Variants in RIPOR2 observed in about 807,000 individuals in gnomAD.
RIPOR2 encodes RHO family interacting cell polarization regulator 2, also known as rho family-interacting cell polarization regulator 2.
Under a neutral mutation model 114.5 loss-of-function variants are expected in RIPOR2, and 39 were observed. The ratio of observed to expected loss-of-function variants is 0.34; its 90% confidence interval spans 0.26 to 0.44. RIPOR2 has a LOEUF of 0.44. Ranked by LOEUF, RIPOR2 falls within the 20% of genes least tolerant of loss-of-function variation. The pLI, the probability that RIPOR2 is intolerant of heterozygous loss-of-function variation, is 1.00. For synonymous variants in RIPOR2, 445 were observed against 484.4 expected, an observed-to-expected ratio of 0.92 and a Z score of 1.07; for missense variants, 1,007 against 1,255.1, an observed-to-expected ratio of 0.80 and a Z score of 2.99.
chr6:24,925,171 C>T (rs1336115902), intron 1 of RIPOR2, among the ~76,000 whole-genome samples: 3 of 152,218 alleles, frequency 2.0e-5, no homozygotes, highest in African/African-American at 7.2e-5. Context: ...TCTGCCTAGA[C>T]CAAGAGCAGT....
intron 1 of RIPOR2, among the ~76,000 whole-genome samples, chr6:24,903,583 G>GT (rs55805821): frequency 0.27 from 41,081 of 150,736 alleles, 6,709 homozygotes; most frequent in East Asian, 0.39. Context: ...CTTCTTTTTT[G>GT]TTTTTTTTTA....
chr6:24,827,340 T>C (rs796379968), intron 18 of RIPOR2, among the ~76,000 whole-genome samples: 3 of 152,286 alleles, frequency 2.0e-5, no homozygotes, highest in African/African-American at 7.2e-5. Context: ...GTGCTGACTG[T>C]GTTGTTGCAG....
chr6:24,988,039 C>T (rs1281375100), intron 1 of RIPOR2, among the ~76,000 whole-genome samples: 1 of 152,176 alleles, frequency 6.6e-6, no homozygotes, highest in East Asian at 1.9e-4. Context: ...TACTCAAAGA[C>T]TGAATTGGGA....
chr6:24,964,147 CTGTGTGTGTG>C (rs70974955), intron 1 of RIPOR2, among the ~76,000 whole-genome samples: 7 of 146,600 alleles, frequency 4.8e-5, no homozygotes, highest in African/African-American at 7.7e-5. Context: ...GACATTGGCT[CTGTGTGTGTG>C]TGTGTGTGTG....
chr6:25,041,148 C>T (rs191068784), intron 1 of RIPOR2, among the ~76,000 whole-genome samples: 2 of 152,164 alleles, frequency 1.3e-5, no homozygotes, highest in Non-Finnish European at 2.9e-5. Context: ...TGAAAACAGA[C>T]CCCTTTCACT....
Position 24,843,012 on chromosome 6 carries a change from AC to A in RIPOR2, c.1706del (p.Gly569ValfsTer11). The A allele has an allele frequency of 3.8e-6, 6 of 1,598,926 alleles. No individual in the cohort carries two copies. The highest frequency in any genetic ancestry group is 5.1e-6 in the Non-Finnish European group (6 of 1,171,212). ...TDRLLSEGSV[G>X]GESEGCRSFL... ...AGGATCTGCAGCCTTCAGATTCTCC[AC>A]CAACAGAACCCTCAGAGAGCAGCCT... On this transcript the variant is annotated frameshift_variant, in exon 13 of 22. Transcript: ENST00000643898. LOFTEE classifies it high-confidence loss of function.
chr6:24,956,009 CA>C (rs10587846), intron 1 of RIPOR2, among the ~76,000 whole-genome samples: 4,234 of 130,306 alleles, frequency 0.032, 128 homozygotes, highest in African/African-American at 0.085. Context: ...GACTCTGTCT[CA>C]AAAAAAAAAA....
intron 1 of RIPOR2, chr6:24,948,280 A>G (rs487700): frequency 0.78 from 118,151 of 152,130 alleles, 46,236 homozygotes; most frequent in African/African-American, 0.85. Flanking sequence ...GTTGATAACC[A>G]AACAATTCTC....
At chr6:25,030,654 CT>C (rs913573805) in intron 1 of RIPOR2, among the ~76,000 whole-genome samples, 1 of 151,890 alleles carries the variant, frequency 6.6e-6, no homozygotes, top group Non-Finnish European at 1.5e-5. Flanking sequence ...GATATTCTGG[CT>C]TTTTTTTAAA....
Position 25,024,056 on chromosome 6 carries a change from T to C in RIPOR2, c.76+17795A>G. 4 of 762,652 alleles carry C rather than the reference T, an allele frequency of 5.2e-6. No individual in the cohort carries two copies. In the Admixed American group the frequency reaches 6.9e-5, roughly 13 times the overall value. 47.2% of individuals were successfully genotyped at this position (762,652 alleles called of 1,614,324 possible). On this transcript the variant is annotated intron_variant, in intron 1 of 13. Transcript: ENST00000510784. The stretch of plus-strand genomic sequence containing the variant: ...AACCGGTTGTAGAACTCGGGCATCC[T>C]CCAGGGAGCAGTGCCCTTTATCTGG...
At chr6:24,850,761 C>A (rs747295688) in intron 9 of RIPOR2, 39 bp from the exon 10 acceptor site, 1 of 1,610,754 alleles carries the variant, frequency 6.2e-7, no homozygotes, top group East Asian at 2.2e-5. Context: ...TGTCTTGCCA[C>A]CCCCTCTTCT....
In RIPOR2 at chr6:24,865,095, A is replaced by G. The variant is rs4711065; in HGVS notation, c.651+206T>C. ...CTTGAATAACTAGGACTACAGGCAC[A>G]TGCCGCCACTCCCAGCTTATTCATT... On this transcript the variant is annotated intron_variant, in intron 7 of 21. Transcript: ENST00000643898. Among the ~76,000 whole-genome samples, 123,791 of 151,696 alleles carry G rather than the reference A, an allele frequency of 0.82. 50,568 individuals carry two copies. The highest frequency in any genetic ancestry group is 0.84 in the Middle Eastern group (248 of 294).
chr6:24,862,651 T>C (rs556284860), intron 7 of RIPOR2, among the ~76,000 whole-genome samples: 1 of 152,302 alleles, frequency 6.6e-6, no homozygotes, highest in East Asian at 1.9e-4. Context: ...CCTCAGAGTA[T>C]TGGGCACTTC....
intron 1 of RIPOR2, among the ~76,000 whole-genome samples, chr6:25,019,774 CAAAAAAA>C (rs34107737): frequency 7.5e-4 from 40 of 53,094 alleles, no homozygotes; most frequent in South Asian, 1.7e-3. Flanking sequence ...GACTCTGTCT[CAAAAAAA>C]AAAAAAAAAA....
At chr6:24,914,032 T>A (rs1769880161) in intron 1 of RIPOR2, among the ~76,000 whole-genome samples, 1 of 152,148 alleles carries the variant, frequency 6.6e-6, no homozygotes, top group Non-Finnish European at 1.5e-5. Context: ...ATATAAATTT[T>A]AAATTGAATA....
At chr6:24,938,375 C>T (rs1431231212), upstream of RIPOR2, among the ~76,000 whole-genome samples, 5 of 152,180 alleles carry the variant, frequency 3.3e-5, no homozygotes, top group East Asian at 7.7e-4. Flanking sequence ...CCTGCCAACA[C>T]CTTGACCTTG....
chr6:24,926,679 A>G (rs544575721), intron 1 of RIPOR2, among the ~76,000 whole-genome samples: 294 of 152,296 alleles, frequency 1.9e-3, no homozygotes, highest in African/African-American at 5.9e-3. Flanking sequence ...GGAATAGAAG[A>G]GGGGAATTGT....
intron 13 of RIPOR2, among the ~76,000 whole-genome samples, chr6:24,841,778 C>G (rs1007569705): frequency 6.6e-5 from 10 of 151,990 alleles, no homozygotes; most frequent in African/African-American, 2.4e-4. Context: ...CCACCATGCC[C>G]AGCTAATTTT....
intron 1 of RIPOR2, among the ~76,000 whole-genome samples, chr6:25,005,740 T>TATATATATATATATATATAC: frequency 9.6e-6 from 1 of 104,510 alleles, no homozygotes; most frequent in Admixed American, 1.0e-4. Flanking sequence ...TATATATATA[T>TATATATATATATATATATAC]ACATTTACCG....
Sources: allele counts gnomAD v4.1 joint callset (sites outside exome capture counted in the v4.1 genomes callset), GRCh38; gene constraint gnomAD v4.1.1; transcripts MANE v1.5; gene names NCBI Gene and HGNC (gene_info 2026-07-23, HGNC 2026-07-21).